Variants in SGCD observed in about 807,000 individuals in gnomAD.
The protein encoded by SGCD is sarcoglycan delta.
SGCD carries 18 observed loss-of-function variants against 36.6 expected under a neutral mutation model. The ratio of observed to expected loss-of-function variants is 0.49; its 90% confidence interval spans 0.34 to 0.73. The LOEUF is 0.73. Among genes scored for constraint, SGCD ranks in the 30% least tolerant of loss-of-function variants. The probability of loss-of-function intolerance (pLI) is 0.01; values close to 1 mark genes in which losing one functional copy is unlikely to be tolerated. For missense variants in SGCD, 387 were observed against 346.7 expected, an observed-to-expected ratio of 1.12 and a Z score of -0.92; for synonymous variants, 133 against 130.6, an observed-to-expected ratio of 1.02 and a Z score of -0.12.
intron 1 of SGCD, 49 bp from the exon 2 acceptor site, chr5:156,329,485 G>C (rs1323215700): frequency 1.6e-6 from 2 of 1,283,820 alleles, no homozygotes; most frequent in Non-Finnish European, 1.1e-6. Flanking sequence ...AGGCAAGGAG[G>C]GGGCAGGCTC....
chr5:156,386,980 A>C (rs534822092), intron 3 of SGCD, among the ~76,000 whole-genome samples: 1 of 152,206 alleles, frequency 6.6e-6, no homozygotes, highest in Admixed American at 6.5e-5. Context: ...TTTAAAAATA[A>C]TACTATTTAT....
At chr5:156,469,807 A>G (rs9313941) in intron 3 of SGCD, among the ~76,000 whole-genome samples, 77,111 of 151,978 alleles carry the variant, frequency 0.51, 19,907 homozygotes, top group Middle Eastern at 0.63. Flanking sequence ...GTTCTCTGCT[A>G]TTGGTAATGA....
intron 3 of SGCD, among the ~76,000 whole-genome samples, chr5:156,144,704 G>T (rs145604374): frequency 0.02 from 3,072 of 152,198 alleles, 45 homozygotes; most frequent in Non-Finnish European, 0.034. Flanking sequence ...TCACTCTGAT[G>T]GTAGTTTCTT....
chr5:156,292,762 A>C (rs1216025284), intron 3 of SGCD, among the ~76,000 whole-genome samples: 1 of 151,998 alleles, frequency 6.6e-6, no homozygotes, highest in African/African-American at 2.4e-5. Flanking sequence ...GCTAACACTA[A>C]TTATTTTCTC....
At chr5:156,338,186 A>G (rs1161831652) in intron 2 of SGCD, among the ~76,000 whole-genome samples, 1 of 152,206 alleles carries the variant, frequency 6.6e-6, no homozygotes, top group African/African-American at 2.4e-5. Context: ...TTGTTTACAA[A>G]TCATCCCTGA....
At chr5:155,792,394 A>G in the SGCD span, among the ~76,000 whole-genome samples, 1 of 151,026 alleles carries the variant, frequency 6.6e-6, no homozygotes, top group East Asian at 2.0e-4. Flanking sequence ...CCAAAAATTG[A>G]CAAGTGAGAC....
intron 6 of SGCD, among the ~76,000 whole-genome samples, chr5:156,595,922 T>C (rs982808891): frequency 5.9e-5 from 9 of 152,234 alleles, no homozygotes; most frequent in African/African-American, 1.9e-4. Flanking sequence ...CTTTTATGGC[T>C]GTATGCTGAA....
the SGCD span, among the ~76,000 whole-genome samples, chr5:155,745,456 C>A: frequency 6.6e-6 from 1 of 152,140 alleles, no homozygotes; most frequent in Non-Finnish European, 1.5e-5. Context: ...CTCTCCCTTT[C>A]TATTTCTCTC....
At chr5:155,819,929 C>T in the SGCD span, among the ~76,000 whole-genome samples, 3 of 152,182 alleles carry the variant, frequency 2.0e-5, no homozygotes, top group Non-Finnish European at 4.4e-5. Context: ...TAGCCTCTCC[C>T]TTATCTGAAC....
At chr5:155,995,012 T>C (rs376542907) in intron 1 of SGCD, among the ~76,000 whole-genome samples, 2 of 152,270 alleles carry the variant, frequency 1.3e-5, no homozygotes, top group South Asian at 2.1e-4. Flanking sequence ...ACCCAACCTT[T>C]ATCCTCTAAA....
At position 156,442,389 on chromosome 5, in the gene SGCD, C is replaced by T. The variant is rs191013094; in HGVS notation, c.193-66212C>T. Among the ~76,000 whole-genome samples the T allele has an allele frequency of 3.9e-3, 591 of 152,236 alleles. 1 individual carries two copies. The highest frequency in any genetic ancestry group is 6.4e-3 in the Non-Finnish European group (434 of 68,006). On this transcript the variant is annotated intron_variant, in intron 3 of 8. Transcript: ENST00000337851. ...GCTCTACCATTTCCCATCTCTGGAC[C>T]TTTTGTAAGTCCCCACGTCTCTGGA...
At chr5:156,183,489 C>A (rs1339244233) in intron 3 of SGCD, among the ~76,000 whole-genome samples, 2 of 152,102 alleles carry the variant, frequency 1.3e-5, no homozygotes, top group Non-Finnish European at 2.9e-5. Flanking sequence ...TTTACTGCAG[C>A]CTTCACCTCC....
chr5:155,861,030 G>A, the SGCD span, among the ~76,000 whole-genome samples: 3 of 152,250 alleles, frequency 2.0e-5, no homozygotes, highest in East Asian at 1.9e-4. Flanking sequence ...ATTGAATAGC[G>A]TGCGTGCACA....
At chr5:156,571,936 C>G (rs1161791575) in intron 4 of SGCD, among the ~76,000 whole-genome samples, 1 of 152,182 alleles carries the variant, frequency 6.6e-6, no homozygotes. Flanking sequence ...CAGCTCCTGG[C>G]AACTGCTAAT....
At chr5:156,472,566 A>G (rs933480756) in intron 3 of SGCD, among the ~76,000 whole-genome samples, 1 of 152,038 alleles carries the variant, frequency 6.6e-6, no homozygotes, top group African/African-American at 2.4e-5. Context: ...TACAGGCATG[A>G]GCCACCACAC....
intron 3 of SGCD, among the ~76,000 whole-genome samples, chr5:156,126,640 A>G (rs528237694): frequency 6.6e-6 from 1 of 152,318 alleles, no homozygotes; most frequent in Admixed American, 6.5e-5. Context: ...CAATCTGCCT[A>G]ATGCTTCCTG....
rs1393961679 is a variant in SGCD, at chr5:156,154,983, G to A, written c.-44+30964G>A. Among the ~76,000 whole-genome samples, 10 of 151,686 alleles carry A rather than the reference G, an allele frequency of 6.6e-5. No individual in the cohort carries two copies. In the East Asian group the frequency reaches 1.9e-3, roughly 29 times the overall value. ...CTCAATGTCTGCAGGGATGAGGCAG[G>A]GAATGTTAATGAGTAAAATAGGTCA... On this transcript the variant is annotated intron_variant, in intron 3 of 9. Coordinates refer to the SGCD transcript ENST00000517913.
At chr5:156,706,191 T>G (rs1316236584) in intron 7 of SGCD, among the ~76,000 whole-genome samples, 1 of 152,112 alleles carries the variant, frequency 6.6e-6, no homozygotes, top group Non-Finnish European at 1.5e-5. Context: ...AAAAAATTCA[T>G]GTAGATCACC....
At chr5:156,405,150 A>G (rs888309455) in intron 3 of SGCD, among the ~76,000 whole-genome samples, 3 of 152,190 alleles carry the variant, frequency 2.0e-5, no homozygotes, top group Non-Finnish European at 4.4e-5. Flanking sequence ...CTAGGACCTA[A>G]GAGTGGTCCC....
Sources: gnomAD v4.1 joint callset for allele counts (sites outside exome capture counted in the v4.1 genomes callset) on GRCh38, gnomAD v4.1.1 for gene constraint, MANE v1.5 for transcripts, NCBI Gene and HGNC (gene_info 2026-07-23, HGNC 2026-07-21) for gene names.